Variants in THG1L observed in about 807,000 individuals in gnomAD.
THG1L encodes probable tRNA(His) guanylyltransferase.
Under a neutral mutation model 35.2 loss-of-function variants are expected in THG1L, and 27 were observed. The ratio of observed to expected loss-of-function variants is 0.77; its 90% CI spans 0.57 to 1.06. THG1L has a LOEUF of 1.06. THG1L is among the 50% of genes least tolerant of loss of function. The pLI is 0.00. For synonymous variants in THG1L, 135 were observed against 132.4 expected (o/e 1.02, Z -0.14); for missense variants, 377 against 371.8 (o/e 1.01, Z -0.12).
chr5:157,736,365 T>G (rs1760889981), intron 4 of THG1L, among the ~76,000 whole-genome samples: 1 of 152,022 alleles, frequency 6.6e-6, no homozygotes, highest in Non-Finnish European at 1.5e-5. Flanking sequence ...TTCTCGTGCC[T>G]CAGCCTCCCA....
rs777617440 is a variant in THG1L, at chr5:157,735,697, G to A, written c.539-149G>A. 67 of 565,370 alleles carry A rather than the reference G, an allele frequency of 1.2e-4. 1 individual carries two copies. The South Asian group carries it at 1.5e-3, about 12-fold the overall frequency. 35.0% of individuals were successfully genotyped at this position (565,370 alleles called of 1,614,324 possible). A position where few individuals can be genotyped will look rare whatever the true frequency, so the allele number is the denominator to read the frequency against. ...CTACTGCTCCTTCCCTCCATGTTCC[G>A]TGTGTAGGACTTCGGTCAAGTCACT... On this transcript the variant is annotated intron_variant, in intron 3 of 5. Transcript: ENST00000231198.
chr5:157,739,181 A>T (rs1202123839), intron 5 of THG1L, 140 bp from the exon 6 acceptor site: 1 of 644,498 alleles, frequency 1.6e-6, no homozygotes, highest in Admixed American at 3.1e-5. Context: ...ATATATATAC[A>T]CATATTTATA....
intron 4 of THG1L, among the ~76,000 whole-genome samples, chr5:157,736,811 T>C (rs1760900566): frequency 2.0e-5 from 3 of 152,212 alleles, no homozygotes; most frequent in Admixed American, 2.0e-4. Flanking sequence ...GAGAATTAAA[T>C]GGCATGATGC....
intron 4 of THG1L, 101 bp downstream of exon 4, chr5:157,736,035 T>C (rs1760863522): frequency 1.3e-6 from 1 of 761,814 alleles, no homozygotes; most frequent in African/African-American, 1.8e-5. Context: ...TCTTTTAAGA[T>C]CCCTGTACAG....
rs543172054 is a variant in THG1L at position 157,740,077 on chromosome 5, T to G, written c.*595T>G. On this transcript the variant is annotated 3_prime_UTR_variant, in exon 6 of 6. Coordinates refer to ENST00000231198, the MANE Select transcript of THG1L (RefSeq NM_017872.5). The stretch of plus-strand genomic sequence containing the variant: ...CAAATGAGTAGTGGCTTCAGTGTCC[T>G]TGCGTACACATTCTGTGGATTGATT... The G allele has an allele frequency of 6.6e-6, 1 of 152,344 alleles. No homozygotes were observed. Among genetic ancestry groups the G allele is most frequent in the African/African-American group, 2.4e-5 (1 of 41,580 alleles). The allele number at this position is 152,344 out of a possible 1,614,324, so 9.4% of individuals were successfully genotyped here.
chr5:157,737,603 A>G lies in THG1L; in HGVS notation c.628-284A>G, dbSNP rs567167440. 2.0e-5 allele frequency among the ~76,000 whole-genome samples: 3 copies of G among 152,314 alleles called. No individual in the cohort carries two copies. The East Asian group carries it at 5.8e-4, about 29-fold the overall frequency. ...CTTGGGGAATTTATATAACCTTTCT[A>G]AGTTTTACTGGACCAAATACATAAT... On this transcript the variant is annotated intron_variant, in intron 4 of 5. Transcript: ENST00000231198.
At chr5:157,735,994 T>A in intron 4 of THG1L, 60 bp downstream of exon 4, 4 of 1,159,784 alleles carry the variant, frequency 3.4e-6, no homozygotes, top group Non-Finnish European at 5.0e-6. Context: ...GGCTCTCCCA[T>A]AACTTTTTTT....
At chr5:157,732,767 T>C in intron 1 of THG1L, 101 bp from the exon 2 acceptor site, 1 of 1,407,258 alleles carries the variant, frequency 7.1e-7, no homozygotes, top group Non-Finnish European at 9.8e-7. Flanking sequence ...CACAGTGCTA[T>C]TACATTATCT....
chr5:157,740,120 T>C lies in THG1L; in HGVS notation c.*638T>C, dbSNP rs1248464554. On this transcript the variant is annotated 3_prime_UTR_variant, in exon 6 of 6. Transcript: ENST00000231198. ...GATTGATTTAATGGAGTTGTCAGCA[T>C]GATCATCATCTTCTAGCCAGGGGCA... The C allele has an allele frequency of 1.3e-5, 2 of 152,236 alleles. No individual in the cohort carries two copies. Among genetic ancestry groups the C allele is most frequent in the African/African-American group, 4.8e-5 (2 of 41,458 alleles). The allele number at this position is 152,236 out of a possible 1,614,324, so 9.4% of individuals were successfully genotyped here. A position where few individuals can be genotyped will look rare whatever the true frequency, so the allele number is the denominator to read the frequency against.
In THG1L at chr5:157,737,931, C is replaced by G. The variant is rs367923983; in HGVS notation, c.672C>G (p.Phe224Leu). 58 of 1,613,128 alleles carry G rather than the reference C, an allele frequency of 3.6e-5. No individual in the cohort carries two copies. Among genetic ancestry groups the G allele is most frequent in the Non-Finnish European group, 4.7e-5 (55 of 1,179,724 alleles). Residue 224 changes from phenylalanine (F) to leucine (L), a missense_variant, in exon 5 of 6, where the codon TTC (phenylalanine) becomes TTG (leucine). Coordinates refer to ENST00000231198, the MANE Select transcript of THG1L (RefSeq NM_017872.5). ...AGAATGAGATTTTGTTTTCTGAATT[C>G]AACATCAACTATAATAATGAGCTGC... Reference protein sequence around the residue: ...ADKNEILFSEFNINYNNELPM... With the variant: ...ADKNEILFSELNINYNNELPM...
At chr5:157,731,688 T>C (rs938469655) in intron 1 of THG1L, 57 bp downstream of exon 1, 35 of 1,544,300 alleles carry the variant, frequency 2.3e-5, no homozygotes, top group African/African-American at 2.1e-4. Context: ...GGAATCCAGC[T>C]TCTTCCCTTG....
Position 157,731,536 on chromosome 5 carries a change from A to C in THG1L, c.96A>C (p.Lys32Asn). 6.2e-7 allele frequency: 1 copy of C among 1,612,950 alleles called. No homozygotes were observed. The highest frequency in any genetic ancestry group is 8.5e-7 in the Non-Finnish European group (1 of 1,179,474). Residue 32 changes from lysine (K) to asparagine (N), a missense_variant, in exon 1 of 6, where the codon AAA (lysine) becomes AAC (asparagine). Lys to Asn is a moderately conservative substitution (Grantham distance 94, BLOSUM62 0). Coordinates refer to ENST00000231198, the MANE Select transcript of THG1L (RefSeq NM_017872.5). Reference protein sequence around the residue: ...RYLRLGATMAKSKFEYVRDFE... With the variant: ...RYLRLGATMANSKFEYVRDFE... ...TGAGATTGGGGGCGACCATGGCAAAAAGCAAGTTCGAGTACGTGAGGGACT... is the reference window on the plus strand; with the variant it reads ...TGAGATTGGGGGCGACCATGGCAAACAGCAAGTTCGAGTACGTGAGGGACT...
intron 4 of THG1L, among the ~76,000 whole-genome samples, chr5:157,737,557 G>T (rs1760917953): frequency 6.6e-6 from 1 of 151,984 alleles, no homozygotes; most frequent in African/African-American, 2.4e-5. Context: ...CTTCGTAGAA[G>T]AATAAGGACA....
At chr5:157,733,676 CTG>C (rs1473221960) in intron 2 of THG1L, among the ~76,000 whole-genome samples, 1 of 151,872 alleles carries the variant, frequency 6.6e-6, no homozygotes, top group African/African-American at 2.4e-5. Context: ...CCTTTCATGA[CTG>C]TAAACACAAA....
intron 1 of THG1L, 32 bp downstream of exon 1, chr5:157,731,663 C>T (rs370737535): frequency 2.5e-6 from 4 of 1,571,118 alleles, no homozygotes; most frequent in Non-Finnish European, 3.5e-6. Flanking sequence ...CGTCGCGATG[C>T]GCCAGCGCTT....
intron 3 of THG1L, 22 bp from the exon 4 acceptor site, chr5:157,735,824 T>G: frequency 1.4e-6 from 2 of 1,479,564 alleles, no homozygotes; most frequent in Non-Finnish European, 1.9e-6. Flanking sequence ...ATATAAACAT[T>G]ACTATTTTGT....
rs1760957134 is a variant in THG1L, at chr5:157,738,915, C to T, written c.736-406C>T. Among the ~76,000 whole-genome samples the T allele has an allele frequency of 2.0e-5, 3 of 150,266 alleles. No homozygotes were observed. The South Asian group carries it at 6.3e-4, about 32-fold the overall frequency. Reference sequence around the variant, plus strand: ...TCTCGGCTCACTGCAACCTCCCCGTCCTGGGTTCAAGGGATTTCCAGCTAA... The same window carrying T: ...TCTCGGCTCACTGCAACCTCCCCGTTCTGGGTTCAAGGGATTTCCAGCTAA... On this transcript the variant is annotated intron_variant, in intron 5 of 5. Coordinates refer to ENST00000231198, the MANE Select transcript of THG1L (RefSeq NM_017872.5).
chr5:157,736,838 C>T (rs62387758), intron 4 of THG1L, among the ~76,000 whole-genome samples: 12,829 of 152,240 alleles, frequency 0.084, 726 homozygotes, highest in East Asian at 0.17. Context: ...AACACAGAAT[C>T]GTATGAAGCA....
chr5:157,734,989 A>G (rs1015761102), intron 3 of THG1L, among the ~76,000 whole-genome samples: 2 of 151,486 alleles, frequency 1.3e-5, no homozygotes, highest in African/African-American at 4.9e-5. Context: ...CCAGGCTGGA[A>G]TGCAGTGGTG....
Sources: gnomAD v4.1 joint callset for allele counts (sites outside exome capture counted in the v4.1 genomes callset) on GRCh38, gnomAD v4.1.1 for gene constraint, MANE v1.5 for transcripts, NCBI Gene and HGNC (gene_info 2026-07-23, HGNC 2026-07-21) for gene names.